SGCZ: variants seen among roughly 807,000 people sequenced by gnomAD.
SGCZ encodes the protein sarcoglycan zeta.
SGCZ carries 40 observed loss-of-function variants against 41.3 expected under a neutral mutation model. That is an observed-to-expected ratio of 0.97 (90% CI 0.75 to 1.26). The LOEUF is 1.26. SGCZ is among the 50% of genes most tolerant of loss of function. The probability of loss-of-function intolerance (pLI) is 0.00; values close to 1 mark genes in which losing one functional copy is unlikely to be tolerated. For missense variants in SGCZ, 552 were observed against 369.8 expected (o/e 1.49, Z -4.04); for synonymous variants, 206 against 137.5 (o/e 1.50, Z -3.49).
At chr8:14,426,043 A>AT (rs958902848) in intron 2 of SGCZ, among the ~76,000 whole-genome samples, 87 of 152,070 alleles carry the variant, frequency 5.7e-4, no homozygotes, top group African/African-American at 1.9e-3. Flanking sequence ...ACAAGAATTC[A>AT]TTTTTTTTCT....
chr8:14,099,497 C>T (rs562078176), intron 7 of SGCZ, among the ~76,000 whole-genome samples: 14 of 152,014 alleles, frequency 9.2e-5, no homozygotes, highest in Non-Finnish European at 1.8e-4. Context: ...GAGGCTGAGG[C>T]GGGAGGATCA....
intron 1 of SGCZ, among the ~76,000 whole-genome samples, chr8:15,004,185 C>T (rs1645362099): frequency 6.6e-6 from 1 of 152,020 alleles, no homozygotes; most frequent in Non-Finnish European, 1.5e-5. Context: ...CTGTTAAGGA[C>T]GGCAAGAGGA....
At chr8:15,137,935 T>A (rs1808175740) in intron 1 of SGCZ, among the ~76,000 whole-genome samples, 1 of 152,124 alleles carries the variant, frequency 6.6e-6, no homozygotes, top group Admixed American at 6.5e-5. Flanking sequence ...GTAGATCCAC[T>A]GACAGCTTGC....
chr8:14,695,326 C>T (rs1455084635), intron 1 of SGCZ, among the ~76,000 whole-genome samples: 1 of 151,926 alleles, frequency 6.6e-6, no homozygotes, highest in African/African-American at 2.4e-5. Flanking sequence ...TTAAAGAATA[C>T]ACAATTATTT....
At chr8:14,984,489 A>G (rs1169222149) in intron 1 of SGCZ, among the ~76,000 whole-genome samples, 1 of 151,650 alleles carries the variant, frequency 6.6e-6, no homozygotes, top group Non-Finnish European at 1.5e-5. Context: ...TTTCCTCTCT[A>G]TTTCTTATCT....
chr8:14,417,889 G>T (rs140617586), intron 2 of SGCZ, among the ~76,000 whole-genome samples: 1 of 151,692 alleles, frequency 6.6e-6, no homozygotes, highest in East Asian at 1.9e-4. Flanking sequence ...GGAGAAAAAA[G>T]AACCAGATTT....
intron 1 of SGCZ, among the ~76,000 whole-genome samples, chr8:15,002,913 C>G (rs961778507): frequency 4.6e-5 from 7 of 152,010 alleles, no homozygotes; most frequent in Non-Finnish European, 8.8e-5. Flanking sequence ...GGGGTTGGGT[C>G]TTTCTTGTGA....
In SGCZ at chr8:14,360,448, C is replaced by G. The variant is rs1330654616; in HGVS notation, c.235-36244G>C. Among the ~76,000 whole-genome samples, 4 of 151,930 alleles carry G rather than the reference C, an allele frequency of 2.6e-5. No individual in the cohort carries two copies. In the East Asian group the frequency reaches 7.7e-4, roughly 29 times the overall value. On this transcript the variant is annotated intron_variant, in intron 2 of 7. Transcript: ENST00000382080. Reference sequence around the variant, plus strand: ...TCAACTGATTCTCCTGCCTCAGCCTCCTGAGCAGCTGGGATTACAGGCACG... The same window carrying G: ...TCAACTGATTCTCCTGCCTCAGCCTGCTGAGCAGCTGGGATTACAGGCACG...
chr8:15,039,575 A>T (rs1436211390), intron 1 of SGCZ, among the ~76,000 whole-genome samples: 1 of 152,212 alleles, frequency 6.6e-6, no homozygotes. Flanking sequence ...GCCAATAACA[A>T]TGTACTACAG....
chr8:15,160,056 T>A (rs1415814695), intron 1 of SGCZ, among the ~76,000 whole-genome samples: 1 of 151,980 alleles, frequency 6.6e-6, no homozygotes, highest in East Asian at 1.9e-4. Context: ...TTTACCATAT[T>A]GGCCCATTTT....
At chr8:14,583,952 G>A (rs1804977465) in intron 1 of SGCZ, among the ~76,000 whole-genome samples, 1 of 151,988 alleles carries the variant, frequency 6.6e-6, no homozygotes, top group Non-Finnish European at 1.5e-5. Flanking sequence ...TTTTGTAACA[G>A]GGCAGGTATT....
In SGCZ at chr8:14,278,917, G is replaced by A. The variant is rs1366727109; in HGVS notation, c.337-41238C>T. 4.6e-5 allele frequency among the ~76,000 whole-genome samples: 7 copies of A among 152,032 alleles called. No individual in the cohort carries two copies. The East Asian group carries it at 1.3e-3, about 29-fold the overall frequency. On this transcript the variant is annotated intron_variant, in intron 3 of 7. Transcript: ENST00000382080. ...TAAATGGTCAGCCCACAAAATGCAT[G>A]GGAATTGCTTTTATAAATGCCTACA...
In SGCZ at chr8:14,789,627, G is replaced by A. The variant is rs114280205; in HGVS notation, c.40-234701C>T. On this transcript the variant is annotated intron_variant, in intron 1 of 7. Transcript: ENST00000382080. ...GTCATGATTCTCTCCCTATTCAAGTGAGCCATCTTCCTCTCTGACCCAGGA... is the reference window on the plus strand; with the variant it reads ...GTCATGATTCTCTCCCTATTCAAGTAAGCCATCTTCCTCTCTGACCCAGGA... 1.2e-3 allele frequency among the ~76,000 whole-genome samples: 187 copies of A among 152,144 alleles called. 1 individual carries two copies. The highest frequency in any genetic ancestry group is 4.4e-3 in the African/African-American group (183 of 41,506).
chr8:14,241,903 C>A (rs1402361790), intron 3 of SGCZ, among the ~76,000 whole-genome samples: 1 of 152,076 alleles, frequency 6.6e-6, no homozygotes, highest in South Asian at 2.1e-4. Context: ...TGCATATGAC[C>A]AATGGAAAAA....
intron 1 of SGCZ, among the ~76,000 whole-genome samples, chr8:15,185,603 A>G (rs1800308853): frequency 1.3e-5 from 2 of 152,204 alleles, no homozygotes; most frequent in East Asian, 3.9e-4. Flanking sequence ...AGAAGAAAAC[A>G]GAAGAGAAAC....
intron 2 of SGCZ, among the ~76,000 whole-genome samples, chr8:14,329,980 C>T (rs1802256719): frequency 5.9e-5 from 9 of 152,080 alleles, no homozygotes; most frequent in Admixed American, 5.9e-4. Context: ...TGCATTCTAG[C>T]TGCTTGAGAT....
At chr8:14,238,479 TC>T (rs1464986727) in intron 3 of SGCZ, among the ~76,000 whole-genome samples, 4 of 152,204 alleles carry the variant, frequency 2.6e-5, no homozygotes, top group Non-Finnish European at 5.9e-5. Flanking sequence ...TTGTAAATTC[TC>T]CTTTAGGACA....
intron 1 of SGCZ, among the ~76,000 whole-genome samples, chr8:14,928,806 T>C (rs898143721): frequency 1.3e-5 from 2 of 152,148 alleles, no homozygotes; most frequent in African/African-American, 4.8e-5. Flanking sequence ...GTAATTTTTC[T>C]GGCAATCTAA....
At chr8:14,383,135 G>A (rs1227889332) in intron 2 of SGCZ, among the ~76,000 whole-genome samples, 1 of 152,136 alleles carries the variant, frequency 6.6e-6, no homozygotes, top group Non-Finnish European at 1.5e-5. Flanking sequence ...TACAAAGTCT[G>A]CAGTAGATAT....
Sources: allele counts gnomAD v4.1 joint callset (sites outside exome capture counted in the v4.1 genomes callset), GRCh38; gene constraint gnomAD v4.1.1; transcripts MANE v1.5; gene names NCBI Gene and HGNC (gene_info 2026-07-23, HGNC 2026-07-21).